ARL8B: variants seen among roughly 807,000 people sequenced by gnomAD.
ARL8B encodes ADP-ribosylation factor-like protein 8B.
ARL8B carries 9 observed loss-of-function variants against 30.6 expected under a neutral mutation model. That is an observed-to-expected ratio of 0.29 (90% CI 0.18 to 0.51). ARL8B has a LOEUF of 0.51. ARL8B is among the 20% of genes least tolerant of loss of function. The pLI is 0.97. For synonymous variants in ARL8B, 74 were observed against 76.0 expected, an observed-to-expected ratio of 0.97 and a Z score of 0.14; for missense variants, 130 against 227.2, an observed-to-expected ratio of 0.57 and a Z score of 2.75.
chr3:5,135,757 T>TATC (rs1553578093), intron 1 of ARL8B, among the ~76,000 whole-genome samples: 4 of 2,404 alleles, frequency 1.7e-3, no homozygotes, highest in African/African-American at 7.2e-3. Context: ...GCACCTGGCC[T>TATC]ATTATTATTA....
intron 1 of ARL8B, among the ~76,000 whole-genome samples, chr3:5,124,350 C>T (rs896886477): frequency 6.7e-6 from 1 of 149,862 alleles, no homozygotes; most frequent in Admixed American, 6.7e-5. Flanking sequence ...AAGCGAGCCT[C>T]CTGCCTCGGC....
chr3:5,178,170 C>G (rs1428379244), intron 6 of ARL8B, among the ~76,000 whole-genome samples: 1 of 152,130 alleles, frequency 6.6e-6, no homozygotes, highest in African/African-American at 2.4e-5. Flanking sequence ...GTGCTTTAGT[C>G]ACATTGTATC....
At chr3:5,159,598 G>A (rs1468996333) in intron 1 of ARL8B, among the ~76,000 whole-genome samples, 10 of 70,466 alleles carry the variant, frequency 1.4e-4, no homozygotes, top group East Asian at 3.7e-4. Context: ...ATGAAACTCC[G>A]TCTCAAAAAA....
chr3:5,153,637 A>G (rs1451656869), intron 1 of ARL8B, among the ~76,000 whole-genome samples: 1 of 152,154 alleles, frequency 6.6e-6, no homozygotes, highest in Non-Finnish European at 1.5e-5. Flanking sequence ...TTTGAAAAAA[A>G]AATTTTTTCC....
intron 4 of ARL8B, among the ~76,000 whole-genome samples, chr3:5,173,525 A>T (rs2054697050): frequency 6.6e-6 from 1 of 152,172 alleles, no homozygotes; most frequent in Non-Finnish European, 1.5e-5. Context: ...TCACCAGGTC[A>T]GGAGATCGAG....
intron 1 of ARL8B, chr3:5,157,820 T>C (rs541411730): frequency 2.6e-5 from 4 of 152,310 alleles, no homozygotes; most frequent in African/African-American, 9.6e-5. Flanking sequence ...CTGGTATACA[T>C]TTCTAGAAAT....
At chr3:5,160,693 G>A (rs952741609) in intron 1 of ARL8B, among the ~76,000 whole-genome samples, 1 of 152,182 alleles carries the variant, frequency 6.6e-6, no homozygotes, top group African/African-American at 2.4e-5. Context: ...AAGTTATCTA[G>A]ATGTGATATG....
In ARL8B at chr3:5,122,553, T is replaced by C; in HGVS notation, c.88T>C (p.Tyr30His). Residue 30 changes from tyrosine to histidine, a missense_variant, in exon 1 of 7, where the codon TAC becomes CAC. By Grantham distance (83) the Tyr-to-His change is moderately conservative. Transcript: ENST00000256496. ...EMELTLVGLQ[Y>H]SGKTTFVNVI... Reference sequence around the variant, plus strand: ...GGAGCTGACGCTCGTGGGGCTGCAGTACTCGGGCAAGACCACCTTCGTCAA... The same window carrying C: ...GGAGCTGACGCTCGTGGGGCTGCAGCACTCGGGCAAGACCACCTTCGTCAA... 2 of 1,611,328 alleles carry C rather than the reference T, an allele frequency of 1.2e-6. No homozygotes were observed. Among genetic ancestry groups the C allele is most frequent in the Non-Finnish European group, 1.7e-6 (2 of 1,178,740 alleles).
chr3:5,135,576 A>G (rs2054317491), intron 1 of ARL8B, among the ~76,000 whole-genome samples: 1 of 150,800 alleles, frequency 6.6e-6, no homozygotes, highest in African/African-American at 2.4e-5. Flanking sequence ...CTCCTGCCTC[A>G]GCCTCCCAAG....
chr3:5,126,411 G>T (rs1006739518), intron 1 of ARL8B, among the ~76,000 whole-genome samples: 1 of 152,150 alleles, frequency 6.6e-6, no homozygotes, highest in African/African-American at 2.4e-5. Flanking sequence ...GACTTCTCAG[G>T]TATGAAAAGC....
rs1559288230 is a variant in ARL8B, at chr3:5,178,752, T to A, written c.*39T>A. On this transcript the variant is annotated 3_prime_UTR_variant, in exon 7 of 7. Transcript: ENST00000256496. ...GTCTTCCAGTCCTTCTTGGCTATAA[T>A]CCTAGAATTATTGTCCGTTCCTCTG... 1.9e-6 allele frequency: 3 copies of A among 1,610,620 alleles called. No homozygotes were observed. In the Admixed American group the frequency reaches 5.0e-5, roughly 27 times the overall value.
At position 5,129,012 on chromosome 3, in the gene ARL8B, A is replaced by AT. The variant is rs57160472; in HGVS notation, c.123+6429dup. ...AATTCCCTTATTGGACATTTGAGGG[A>AT]TTTTTCCTATGTTTTCCTATTGTAC... On this transcript the variant is annotated intron_variant, in intron 1 of 6. Transcript: ENST00000256496. Among the ~76,000 whole-genome samples, 3 of 151,618 alleles carry AT rather than the reference A, an allele frequency of 2.0e-5. No homozygotes were observed. In the East Asian group the frequency reaches 5.8e-4, roughly 29 times the overall value.
At chr3:5,127,542 A>G (rs538958412) in intron 1 of ARL8B, among the ~76,000 whole-genome samples, 5 of 152,196 alleles carry the variant, frequency 3.3e-5, no homozygotes, top group African/African-American at 1.2e-4. Flanking sequence ...AACATGAATT[A>G]GGAGAAGGAA....
At chr3:5,161,373 G>C (rs1391630113) in intron 1 of ARL8B, among the ~76,000 whole-genome samples, 1 of 152,188 alleles carries the variant, frequency 6.6e-6, no homozygotes, top group Non-Finnish European at 1.5e-5. Flanking sequence ...GTGGTCCTCA[G>C]TCTGAAGTGT....
intron 1 of ARL8B, among the ~76,000 whole-genome samples, chr3:5,160,962 AGG>A (rs2054574762): frequency 6.6e-6 from 1 of 152,202 alleles, no homozygotes; most frequent in Admixed American, 6.5e-5. Flanking sequence ...TCTGTCCTCC[AGG>A]GTAGAGTGCA....
chr3:5,159,026 A>G (rs941424679), intron 1 of ARL8B, among the ~76,000 whole-genome samples: 3 of 151,986 alleles, frequency 2.0e-5, no homozygotes, highest in African/African-American at 7.3e-5. Flanking sequence ...TGGGAGGCCA[A>G]GGTTGGAGGA....
intron 1 of ARL8B, among the ~76,000 whole-genome samples, chr3:5,125,422 T>C (rs1026030177): frequency 6.6e-6 from 1 of 152,084 alleles, no homozygotes; most frequent in Non-Finnish European, 1.5e-5. Flanking sequence ...GGGAAAGTAA[T>C]CGCATCATGT....
At chr3:5,140,696 A>T (rs970728726) in intron 1 of ARL8B, among the ~76,000 whole-genome samples, 24 of 152,142 alleles carry the variant, frequency 1.6e-4, no homozygotes, top group African/African-American at 5.8e-4. Flanking sequence ...GTATGTGTGC[A>T]GCCGTATGTA....
intron 5 of ARL8B, 128 bp from the exon 6 acceptor site, chr3:5,174,216 C>A: frequency 2.8e-6 from 3 of 1,090,054 alleles, no homozygotes; most frequent in Non-Finnish European, 4.1e-6. Context: ...AGAAGTGAAT[C>A]CTAACATTTT....
Sources: gnomAD v4.1 joint callset for allele counts (sites outside exome capture counted in the v4.1 genomes callset) on GRCh38, gnomAD v4.1.1 for gene constraint, MANE v1.5 for transcripts, NCBI Gene and HGNC (gene_info 2026-07-23, HGNC 2026-07-21) for gene names.